The following LHFPL6 variants were observed in gnomAD, a reference collection of about 807,000 sequenced individuals.
LHFPL6 encodes the protein LHFPL tetraspan subfamily member 6.
Under a neutral mutation model 20.6 loss-of-function variants are expected in LHFPL6, and 9 were observed. That is an observed-to-expected ratio of 0.44 (90% CI 0.26 to 0.76). The LOEUF is 0.76. LHFPL6 is among the 30% of genes least tolerant of loss of function. The pLI is 0.20. For missense variants in LHFPL6, 218 were observed against 253.5 expected (o/e 0.86, Z 0.95); for synonymous variants, 105 against 98.7 (o/e 1.06, Z -0.38).
At chr13:39,404,965 TTTGAGTAC>T (rs1390565325) in intron 2 of LHFPL6, among the ~76,000 whole-genome samples, 1 of 152,170 alleles carries the variant, frequency 6.6e-6, no homozygotes, top group Non-Finnish European at 1.5e-5. Context: ...TAACCAAATA[TTTGAGTAC>T]TATGTGATCA....
At chr13:39,380,440 T>G (rs978234188) in intron 2 of LHFPL6, among the ~76,000 whole-genome samples, 4 of 151,772 alleles carry the variant, frequency 2.6e-5, no homozygotes, top group African/African-American at 9.7e-5. Context: ...TTCATCTGTA[T>G]TTACAGCCAC....
chr13:39,358,518 G>A (rs2138342836), intron 3 of LHFPL6, among the ~76,000 whole-genome samples: 1 of 152,000 alleles, frequency 6.6e-6, no homozygotes, highest in Admixed American at 6.5e-5. Flanking sequence ...AAAAACAATT[G>A]TAATTAAAAA....
At chr13:39,505,583 T>A (rs1202132742) in intron 2 of LHFPL6, among the ~76,000 whole-genome samples, 1 of 152,050 alleles carries the variant, frequency 6.6e-6, no homozygotes, top group African/African-American at 2.4e-5. Flanking sequence ...TTTAATCAAC[T>A]AGTTCAATTC....
At chr13:39,598,924 A>G (rs189334358) in intron 2 of LHFPL6, among the ~76,000 whole-genome samples, 1 of 152,322 alleles carries the variant, frequency 6.6e-6, no homozygotes, top group African/African-American at 2.4e-5. Flanking sequence ...AGTTCATGAA[A>G]AGTACTCACA....
intron 2 of LHFPL6, among the ~76,000 whole-genome samples, chr13:39,557,803 C>A (rs553923337): frequency 6.6e-6 from 1 of 152,216 alleles, no homozygotes; most frequent in Non-Finnish European, 1.5e-5. Flanking sequence ...TGCTCCTCAG[C>A]GTGCTTGGAA....
intron 2 of LHFPL6, among the ~76,000 whole-genome samples, chr13:39,479,118 C>CTATCT (rs1566120837): frequency 6.6e-5 from 8 of 121,566 alleles, no homozygotes; most frequent in African/African-American, 1.9e-4. Flanking sequence ...TCTATCCATC[C>CTATCT]ATCTATCTAT....
intron 3 of LHFPL6, among the ~76,000 whole-genome samples, chr13:39,355,793 G>A (rs1042518569): frequency 4.6e-5 from 7 of 152,176 alleles, no homozygotes; most frequent in Non-Finnish European, 1.0e-4. Context: ...ACAAAGAAGG[G>A]CATTACATAA....
At chr13:39,408,213 T>C (rs1049881761) in intron 2 of LHFPL6, among the ~76,000 whole-genome samples, 1 of 152,220 alleles carries the variant, frequency 6.6e-6, no homozygotes, top group Non-Finnish European at 1.5e-5. Context: ...TGTAAATTTA[T>C]TAATAAGTCA....
chr13:39,455,685 TCA>T (rs1275263559), intron 2 of LHFPL6, among the ~76,000 whole-genome samples: 4 of 152,316 alleles, frequency 2.6e-5, no homozygotes, highest in Admixed American at 1.3e-4. Flanking sequence ...TTGTTGCTTC[TCA>T]CAGTTAACGT....
intron 2 of LHFPL6, among the ~76,000 whole-genome samples, chr13:39,539,234 C>T (rs1337653782): frequency 6.6e-6 from 1 of 152,030 alleles, no homozygotes; most frequent in East Asian, 1.9e-4. Flanking sequence ...AAAGCAGGAA[C>T]ATATGGTTTC....
At chr13:39,430,890 G>T (rs963465569) in intron 2 of LHFPL6, among the ~76,000 whole-genome samples, 1 of 152,168 alleles carries the variant, frequency 6.6e-6, no homozygotes, top group Non-Finnish European at 1.5e-5. Context: ...AGCCAGCAGC[G>T]GCAACCTGCT....
intron 3 of LHFPL6, among the ~76,000 whole-genome samples, chr13:39,345,675 C>T (rs549198224): frequency 1.2e-4 from 18 of 152,206 alleles, no homozygotes; most frequent in African/African-American, 3.6e-4. Context: ...GTTCCCACAG[C>T]GTAGATAACC....
chr13:39,358,604 G>A (rs2840247), intron 3 of LHFPL6, among the ~76,000 whole-genome samples: 35,285 of 144,138 alleles, frequency 0.24, 4,314 homozygotes, highest in Middle Eastern at 0.32. Context: ...TAAACAGACA[G>A]CCTACAGAAT....
intron 3 of LHFPL6, among the ~76,000 whole-genome samples, chr13:39,348,213 A>G (rs1869460502): frequency 6.6e-6 from 1 of 152,180 alleles, no homozygotes; most frequent in African/African-American, 2.4e-5. Flanking sequence ...TTCTCCAGCC[A>G]GTTCCTCTCT....
intron 2 of LHFPL6, among the ~76,000 whole-genome samples, chr13:39,515,068 C>G (rs9315697): frequency 0.17 from 26,374 of 152,272 alleles, 2,476 homozygotes; most frequent in South Asian, 0.32. Context: ...TCATTGGATC[C>G]TGATGAGACC....
intron 3 of LHFPL6, among the ~76,000 whole-genome samples, chr13:39,358,317 T>C (rs1038529256): frequency 9.2e-5 from 14 of 152,178 alleles, no homozygotes; most frequent in African/African-American, 2.7e-4. Flanking sequence ...ATTCGATAAA[T>C]GGTGCTCGTA....
chr13:39,392,524 G>T (rs1870736592), intron 2 of LHFPL6, among the ~76,000 whole-genome samples: 1 of 152,136 alleles, frequency 6.6e-6, no homozygotes, highest in South Asian at 2.1e-4. Context: ...AACCTGGGAG[G>T]CAGAGGTTGC....
chr13:39,389,436 A>G (rs929263956), intron 2 of LHFPL6, among the ~76,000 whole-genome samples: 42 of 152,200 alleles, frequency 2.8e-4, no homozygotes, highest in African/African-American at 8.9e-4. Context: ...CCAAGCTTTA[A>G]CTCAAATGGG....
intron 2 of LHFPL6, among the ~76,000 whole-genome samples, chr13:39,526,653 A>G (rs984166359): frequency 1.3e-5 from 2 of 152,238 alleles, no homozygotes; most frequent in African/African-American, 4.8e-5. Flanking sequence ...ATTCCACACG[A>G]CAAGGTTACA....
Sources: gnomAD v4.1 joint callset for allele counts (sites outside exome capture counted in the v4.1 genomes callset) on GRCh38, gnomAD v4.1.1 for gene constraint, MANE v1.5 for transcripts, NCBI Gene and HGNC (gene_info 2026-07-23, HGNC 2026-07-21) for gene names.